Variants in MALRD1 observed in about 807,000 individuals in gnomAD.
MALRD1 encodes MAM and LDL receptor class A domain containing 1, also known as MAM and LDL-receptor class A domain-containing protein 1.
MALRD1 carries 247 observed loss-of-function variants against 242.1 expected under a neutral mutation model. The ratio of observed to expected loss-of-function variants is 1.02; its 90% CI spans 0.92 to 1.13. The LOEUF (loss-of-function observed/expected upper bound fraction) is 1.13, where lower values mean the gene tolerates loss of function less well. Among genes scored for constraint, MALRD1 ranks in the 50% most tolerant of loss-of-function variants. MALRD1 has a pLI of 0.00. For missense variants in MALRD1, 2,989 were observed against 2,533.1 expected, an observed-to-expected ratio of 1.18 and a Z score of -3.86; for synonymous variants, 995 against 866.6, an observed-to-expected ratio of 1.15 and a Z score of -2.60.
At chr10:19,557,409 T>A (rs1446018753) in intron 32 of MALRD1, among the ~76,000 whole-genome samples, 1 of 152,170 alleles carries the variant, frequency 6.6e-6, no homozygotes, top group Non-Finnish European at 1.5e-5. Context: ...ACAAGTTTTA[T>A]AGTTTGCAGT....
intron 29 of MALRD1, among the ~76,000 whole-genome samples, chr10:19,476,855 T>C (rs1242141258): frequency 1.3e-5 from 2 of 152,172 alleles, no homozygotes; most frequent in African/African-American, 4.8e-5. Context: ...GTATGTACAC[T>C]TCAGAAATAC....
chr10:19,658,021 G>A (rs1841246707), intron 36 of MALRD1, among the ~76,000 whole-genome samples: 1 of 151,966 alleles, frequency 6.6e-6, no homozygotes, highest in Admixed American at 6.6e-5. Context: ...GGTGGTGCAT[G>A]CCTGTAATCC....
At chr10:19,203,194 CA>C (rs35379333) in intron 14 of MALRD1, among the ~76,000 whole-genome samples, 63,427 of 143,200 alleles carry the variant, frequency 0.44, 14,903 homozygotes, top group East Asian at 0.67. Context: ...AAAAATAGTT[CA>C]AATTATTTTC....
intron 28 of MALRD1, among the ~76,000 whole-genome samples, chr10:19,432,705 A>T (rs1290913976): frequency 6.6e-6 from 1 of 152,240 alleles, no homozygotes; most frequent in Non-Finnish European, 1.5e-5. Flanking sequence ...TTCAACATGA[A>T]TAAGAATGGA....
chr10:19,622,473 C>T (rs1839448728), intron 36 of MALRD1, among the ~76,000 whole-genome samples: 1 of 151,482 alleles, frequency 6.6e-6, no homozygotes, highest in Admixed American at 6.6e-5. Context: ...AGTGGAAAAA[C>T]ATTTCCTTTC....
At chr10:19,282,383 C>G (rs1043949161) in intron 20 of MALRD1, among the ~76,000 whole-genome samples, 1 of 152,126 alleles carries the variant, frequency 6.6e-6, no homozygotes, top group Non-Finnish European at 1.5e-5. Flanking sequence ...ACCAGGTTTT[C>G]TATAGTATAC....
At chr10:19,539,107 CAG>C (rs1460194540) in intron 32 of MALRD1, among the ~76,000 whole-genome samples, 1 of 152,122 alleles carries the variant, frequency 6.6e-6, no homozygotes, top group African/African-American at 2.4e-5. Context: ...AGAATAATAT[CAG>C]AGTCAGACTT....
At chr10:19,322,967 T>G (rs767515061) in intron 21 of MALRD1, among the ~76,000 whole-genome samples, 10 of 152,176 alleles carry the variant, frequency 6.6e-5, no homozygotes, top group Non-Finnish European at 1.5e-4. Flanking sequence ...TAACCTAGAA[T>G]GACTTTAATG....
At position 19,215,414 on chromosome 10, in the gene MALRD1, T is replaced by A. The variant is rs142241613; in HGVS notation, c.2991+5734T>A. 3.2e-3 allele frequency among the ~76,000 whole-genome samples: 494 copies of A among 152,334 alleles called. 7 individuals are homozygous for A. Among genetic ancestry groups the A allele is most frequent in the Non-Finnish European group, 1.3e-3 (87 of 68,032 alleles). On this transcript the variant is annotated intron_variant, in intron 18 of 39. Coordinates refer to ENST00000454679, the MANE Select transcript of MALRD1 (RefSeq NM_001142308.3). ...AATTAGGGCACAAACAAGGTTAATTTTTTTCCTTGCAAATTGATATGGATG... is the reference window on the plus strand; with the variant it reads ...AATTAGGGCACAAACAAGGTTAATTATTTTCCTTGCAAATTGATATGGATG...
At chr10:19,308,387 T>C (rs1842307887) in intron 21 of MALRD1, among the ~76,000 whole-genome samples, 1 of 151,564 alleles carries the variant, frequency 6.6e-6, no homozygotes, top group Non-Finnish European at 1.5e-5. Context: ...TTATCTATAC[T>C]CATTCTACAG....
intron 12 of MALRD1, among the ~76,000 whole-genome samples, chr10:19,160,115 C>CT (rs1564431258): frequency 6.6e-6 from 1 of 152,042 alleles, no homozygotes; most frequent in African/African-American, 2.4e-5. Flanking sequence ...AAAGCAAGCC[C>CT]TTTTTATTAA....
rs538340237 is a variant in MALRD1 at position 19,151,625 on chromosome 10, C to G, written c.1559-3450C>G. ...ATTTCTCTCTCAGAGGAAAAGCTGT[C>G]AATAGTTGAACCTTAAGTGCCATGC... On this transcript the variant is annotated intron_variant, in intron 11 of 39. Transcript: ENST00000454679. 3.9e-5 allele frequency among the ~76,000 whole-genome samples: 6 copies of G among 152,098 alleles called. No individual in the cohort carries two copies. The East Asian group carries it at 1.2e-3, about 29-fold the overall frequency.
intron 31 of MALRD1, among the ~76,000 whole-genome samples, chr10:19,517,796 C>T (rs576084724): frequency 1.3e-5 from 2 of 152,318 alleles, no homozygotes; most frequent in African/African-American, 2.4e-5. Flanking sequence ...AGAGAGAACT[C>T]ACCCACAGCC....
At chr10:19,297,127 T>C (rs898897677) in intron 21 of MALRD1, among the ~76,000 whole-genome samples, 3 of 150,758 alleles carry the variant, frequency 2.0e-5, no homozygotes, top group Non-Finnish European at 3.0e-5. Flanking sequence ...GTGTATCTTT[T>C]AGTTTATTAT....
chr10:19,335,917 C>G (rs1588929475), intron 24 of MALRD1, among the ~76,000 whole-genome samples: 2 of 152,072 alleles, frequency 1.3e-5, no homozygotes, highest in African/African-American at 4.8e-5. Context: ...AACCCGTCAT[C>G]TACATTAGGC....
At chr10:19,535,907 A>G (rs984648113) in intron 32 of MALRD1, among the ~76,000 whole-genome samples, 6 of 152,062 alleles carry the variant, frequency 3.9e-5, no homozygotes, top group Non-Finnish European at 8.8e-5. Context: ...GATTATAGAA[A>G]CCCTTCAGAG....
chr10:19,597,680 G>T (rs1838163703), intron 34 of MALRD1, among the ~76,000 whole-genome samples: 1 of 152,152 alleles, frequency 6.6e-6, no homozygotes, highest in Non-Finnish European at 1.5e-5. Context: ...CAGAGCTCAG[G>T]CTGAAGATGT....
chr10:19,566,857 A>G (rs1266177811), intron 32 of MALRD1, among the ~76,000 whole-genome samples: 2 of 152,064 alleles, frequency 1.3e-5, no homozygotes, highest in Admixed American at 1.3e-4. Context: ...CAGCACTAGA[A>G]AATGCCATAT....
intron 19 of MALRD1, among the ~76,000 whole-genome samples, chr10:19,268,575 C>T (rs1840061357): frequency 1.3e-5 from 2 of 152,122 alleles, no homozygotes; most frequent in Admixed American, 1.3e-4. Context: ...CTCAAAAAGT[C>T]ACAGGGAAAA....
Sources: gnomAD v4.1 joint callset for allele counts (sites outside exome capture counted in the v4.1 genomes callset) on GRCh38, gnomAD v4.1.1 for gene constraint, MANE v1.5 for transcripts, NCBI Gene and HGNC (gene_info 2026-07-23, HGNC 2026-07-21) for gene names.